SPMIP2: variants seen among roughly 807,000 people sequenced by gnomAD.
SPMIP2 encodes sperm microtubule inner protein 2.
the SPMIP2 span, among the ~76,000 whole-genome samples, chr4:159,005,922 G>A: frequency 7.9e-5 from 12 of 152,048 alleles, no homozygotes; most frequent in Admixed American, 3.9e-4. Flanking sequence ...GTGCCACCAC[G>A]CCCAGCTAAT....
chr4:158,962,761 G>T, the SPMIP2 span, among the ~76,000 whole-genome samples: 9 of 152,124 alleles, frequency 5.9e-5, no homozygotes, highest in Non-Finnish European at 1.2e-4. Context: ...TGGAGCATTT[G>T]AAGTATTCAT....
chr4:158,944,066 G>A, the SPMIP2 span, among the ~76,000 whole-genome samples: 1 of 151,882 alleles, frequency 6.6e-6, no homozygotes, highest in Non-Finnish European at 1.5e-5. Context: ...ATGTTGGCCA[G>A]GATGGTCTCA....
chr4:159,067,051 T>C, the SPMIP2 span, among the ~76,000 whole-genome samples: 1 of 152,098 alleles, frequency 6.6e-6, no homozygotes, highest in Non-Finnish European at 1.5e-5. Context: ...TATTTCTGAA[T>C]ATAAAGCATA....
At chr4:158,989,588 C>T in the SPMIP2 span, among the ~76,000 whole-genome samples, 2 of 152,168 alleles carry the variant, frequency 1.3e-5, no homozygotes, top group Non-Finnish European at 2.9e-5. Context: ...ACACCTACAA[C>T]CATCTGATCT....
chr4:159,053,576 G>A, the SPMIP2 span, among the ~76,000 whole-genome samples: 2 of 152,096 alleles, frequency 1.3e-5, no homozygotes, highest in African/African-American at 4.8e-5. Flanking sequence ...AACTCAATGT[G>A]TGTTTTGTTT....
the SPMIP2 span, chr4:158,973,367 T>G: frequency 1.1e-5 from 13 of 1,173,152 alleles, no homozygotes; most frequent in Non-Finnish European, 1.6e-5. Flanking sequence ...AAGATACTTT[T>G]GTTATTTTAA....
chr4:158,996,910 C>G, the SPMIP2 span, among the ~76,000 whole-genome samples: 1 of 152,166 alleles, frequency 6.6e-6, no homozygotes, highest in African/African-American at 2.4e-5. Context: ...ATTTCGATGA[C>G]TGGCTTGGAT....
the SPMIP2 span, among the ~76,000 whole-genome samples, chr4:159,000,695 T>C: frequency 3.3e-5 from 5 of 151,860 alleles, no homozygotes; most frequent in African/African-American, 1.2e-4. Flanking sequence ...GGCCTCACCA[T>C]ATTGGCCAAG....
chr4:159,019,082 G>C, the SPMIP2 span, among the ~76,000 whole-genome samples: 1 of 152,036 alleles, frequency 6.6e-6, no homozygotes, highest in South Asian at 2.1e-4. Flanking sequence ...AGGAGGTCCT[G>C]CATGTCCTAT....
the SPMIP2 span, among the ~76,000 whole-genome samples, chr4:158,950,625 G>A: frequency 6.6e-6 from 1 of 152,206 alleles, no homozygotes; most frequent in African/African-American, 2.4e-5. Flanking sequence ...GCTAGGAGTG[G>A]TAGCTCACAC....
the SPMIP2 span, chr4:158,904,580 A>G: frequency 1.3e-6 from 2 of 1,560,242 alleles, no homozygotes; most frequent in Non-Finnish European, 1.8e-6. Flanking sequence ...TGGAAGAAAA[A>G]AATCAAATTC....
chr4:159,073,903 C>T, the SPMIP2 span, among the ~76,000 whole-genome samples: 1 of 152,080 alleles, frequency 6.6e-6, no homozygotes, highest in Non-Finnish European at 1.5e-5. Flanking sequence ...ACTCGGGGGG[C>T]TAAGGCAGGA....
At chr4:158,944,195 G>A in the SPMIP2 span, among the ~76,000 whole-genome samples, 2 of 152,112 alleles carry the variant, frequency 1.3e-5, no homozygotes, top group South Asian at 2.1e-4. Flanking sequence ...ACCATGGCAT[G>A]TTTTGGTTTA....
the SPMIP2 span, among the ~76,000 whole-genome samples, chr4:158,922,784 A>G: frequency 6.6e-6 from 1 of 152,086 alleles, no homozygotes; most frequent in Non-Finnish European, 1.5e-5. Context: ...AGCAATTTCT[A>G]TCTGTATGCA....
At chr4:159,074,732 T>C in the SPMIP2 span, among the ~76,000 whole-genome samples, 1 of 152,118 alleles carries the variant, frequency 6.6e-6, no homozygotes, top group Non-Finnish European at 1.5e-5. Flanking sequence ...AGAAGGAGGA[T>C]ATTGAATCTG....
the SPMIP2 span, among the ~76,000 whole-genome samples, chr4:158,899,109 C>G: frequency 5.3e-5 from 8 of 152,040 alleles, no homozygotes; most frequent in East Asian, 1.5e-3. Flanking sequence ...AGATAATCAT[C>G]TGGTTTTTGT....
At chr4:159,035,111 C>T in the SPMIP2 span, 1 of 1,608,946 alleles carries the variant, frequency 6.2e-7, no homozygotes, top group South Asian at 1.1e-5. Flanking sequence ...AAAGTCTTAA[C>T]CGTGCTACTG....
chr4:158,895,409 T>C, the SPMIP2 span, among the ~76,000 whole-genome samples: 1 of 152,216 alleles, frequency 6.6e-6, no homozygotes, highest in African/African-American at 2.4e-5. Flanking sequence ...AAAAATTATA[T>C]CAAGAAGTTC....
chr4:159,049,137 T>C, the SPMIP2 span, among the ~76,000 whole-genome samples: 1 of 152,340 alleles, frequency 6.6e-6, no homozygotes, highest in East Asian at 1.9e-4. Flanking sequence ...GAGAAAACAC[T>C]GTCGAGAAAG....
Sources: allele counts gnomAD v4.1 joint callset (sites outside exome capture counted in the v4.1 genomes callset), GRCh38; gene constraint gnomAD v4.1.1; transcripts MANE v1.5; gene names NCBI Gene and HGNC (gene_info 2026-07-23, HGNC 2026-07-21).